HACD4: variants seen among roughly 807,000 people sequenced by gnomAD.
HACD4 encodes the protein 3-hydroxyacyl-CoA dehydratase 4.
In HACD4, 35 loss-of-function variants were observed where a neutral mutation model predicts 33.3. That is an observed-to-expected ratio of 1.05 (90% confidence interval 0.80 to 1.39). The LOEUF (loss-of-function observed/expected upper bound fraction) is 1.39, where lower values mean the gene tolerates loss of function less well. Among genes scored for constraint, HACD4 ranks in the 40% most tolerant of loss-of-function variants. HACD4 has a pLI of 0.00. For synonymous variants in HACD4, 118 were observed against 98.0 expected, an observed-to-expected ratio of 1.20 and a Z score of -1.21; for missense variants, 323 against 276.5, an observed-to-expected ratio of 1.17 and a Z score of -1.19.
At chr9:21,026,751 T>C (rs926795013) in intron 2 of HACD4, 28 bp from the exon 3 acceptor site, 6 of 1,598,314 alleles carry the variant, frequency 3.8e-6, no homozygotes, top group Middle Eastern at 1.7e-4. Flanking sequence ...AAAATGCAGA[T>C]ATAGGAAGAA....
intron 2 of HACD4, among the ~76,000 whole-genome samples, chr9:21,027,769 T>C (rs1818099974): frequency 2.6e-5 from 4 of 152,238 alleles, no homozygotes; most frequent in Admixed American, 2.6e-4. Context: ...TCAGTCTGTC[T>C]CCTGAACGAA....
chr9:21,019,626 G>A (rs1177710001), intron 3 of HACD4, among the ~76,000 whole-genome samples: 1 of 152,044 alleles, frequency 6.6e-6, no homozygotes, highest in East Asian at 1.9e-4. Flanking sequence ...CTCAACATCT[G>A]TAAAATTACA....
At chr9:21,023,663 C>T (rs1274559879) in intron 3 of HACD4, among the ~76,000 whole-genome samples, 2 of 151,708 alleles carry the variant, frequency 1.3e-5, no homozygotes, top group Non-Finnish European at 2.9e-5. Flanking sequence ...TAATCTCTGC[C>T]TCCAGGGTTC....
intron 5 of HACD4, among the ~76,000 whole-genome samples, chr9:21,008,665 CTA>C (rs2132767922): frequency 6.6e-6 from 1 of 152,096 alleles, no homozygotes; most frequent in East Asian, 1.9e-4. Flanking sequence ...TTGAAGAACT[CTA>C]TGAGAAATGC....
At chr9:21,016,156 G>GA in intron 3 of HACD4, 146 bp from the exon 4 acceptor site, 1 of 541,244 alleles carries the variant, frequency 1.8e-6, no homozygotes. Flanking sequence ...CTCCCTCTGA[G>GA]AGAGTAGGGT....
chr9:21,030,590 A>G (rs954058360), intron 1 of HACD4, among the ~76,000 whole-genome samples: 4 of 152,246 alleles, frequency 2.6e-5, no homozygotes, highest in African/African-American at 9.6e-5. Context: ...GAAGGGGGGT[A>G]GGGATGGGAG....
At chr9:21,028,536 C>G (rs10964799) in intron 2 of HACD4, among the ~76,000 whole-genome samples, 57,908 of 152,014 alleles carry the variant, frequency 0.38, 11,226 homozygotes, top group East Asian at 0.44. Flanking sequence ...TTATGATACA[C>G]ACGTCTGAAA....
Position 21,006,665 on chromosome 9 carries a change from G to C in HACD4, c.*372C>G, listed in dbSNP as rs1842277423. The C allele has an allele frequency of 4.1e-6, 1 of 245,356 alleles. No homozygotes were observed. The highest frequency in any genetic ancestry group is 5.6e-5 in the Admixed American group (1 of 17,848). The allele number at this position is 245,356 out of a possible 1,614,324, so 15.2% of individuals were successfully genotyped here. On this transcript the variant is annotated 3_prime_UTR_variant, in exon 7 of 7. Coordinates refer to ENST00000495827, the MANE Select transcript of HACD4 (RefSeq NM_001010915.5). This position sits in a 1 kb window ranked among gnomAD's most constrained non-coding sequence, Gnocchi z 4.6. ...TATTTGGGAACTTGGAAGTGAAAAA[G>C]AATACATGTAATTTAGGTTATCAAG...
chr9:21,009,193 C>T (rs544363289), intron 5 of HACD4, among the ~76,000 whole-genome samples: 1 of 152,208 alleles, frequency 6.6e-6, no homozygotes, highest in South Asian at 2.1e-4. Flanking sequence ...TTTAACTGCG[C>T]AGTTTTATAC....
At position 21,026,592 on chromosome 9, in the gene HACD4, C is replaced by A; in HGVS notation, c.270+4G>T. The stretch of plus-strand genomic sequence containing the variant: ...TTCTATAATAATATGTGATTCAAAC[C>A]TACCTGCAAAAACCTTGGGAGAAGA... On this transcript the variant is annotated splice_donor_region_variant and intron_variant, in intron 3 of 6. Transcript: ENST00000495827. 6.2e-7 allele frequency: 1 copy of A among 1,606,558 alleles called. No individual in the cohort carries two copies. The highest frequency in any genetic ancestry group is 8.5e-7 in the Non-Finnish European group (1 of 1,175,924).
At chr9:21,013,964 A>T (rs1564272928) in intron 4 of HACD4, among the ~76,000 whole-genome samples, 1 of 152,186 alleles carries the variant, frequency 6.6e-6, no homozygotes, top group Non-Finnish European at 1.5e-5. Flanking sequence ...TAGAACTTCC[A>T]GTACGATGAT....
intron 3 of HACD4, among the ~76,000 whole-genome samples, chr9:21,021,814 T>C (rs1283176513): frequency 6.6e-6 from 1 of 152,084 alleles, no homozygotes; most frequent in Non-Finnish European, 1.5e-5. Context: ...CCAAGGTAAT[T>C]TATAGATTCA....
At chr9:21,012,407 G>A (rs1184787963) in intron 4 of HACD4, among the ~76,000 whole-genome samples, 1 of 152,122 alleles carries the variant, frequency 6.6e-6, no homozygotes, top group African/African-American at 2.4e-5. Context: ...TGATGCCACT[G>A]GTCTAGGGAC....
At chr9:21,007,863 A>C (rs778554034) in intron 6 of HACD4, among the ~76,000 whole-genome samples, 158 bp downstream of exon 6, 1 of 152,178 alleles carries the variant, frequency 6.6e-6, no homozygotes, top group Non-Finnish European at 1.5e-5. Context: ...AAAAAGCATT[A>C]TAACCTCCAG....
intron 5 of HACD4, among the ~76,000 whole-genome samples, 199 bp downstream of exon 5, chr9:21,011,390 C>G (rs1311118688): frequency 6.6e-6 from 1 of 152,162 alleles, no homozygotes; most frequent in African/African-American, 2.4e-5. Context: ...TGCTTTTTGT[C>G]CAGTATTTTG....
intron 1 of HACD4, 65 bp downstream of exon 1, chr9:21,031,488 G>T: frequency 1.4e-6 from 2 of 1,430,112 alleles, no homozygotes; most frequent in East Asian, 3.0e-5. Context: ...GCCGCAGAGG[G>T]GAGCTCCCGC....
chr9:21,018,118 T>C (rs1169331118), intron 3 of HACD4, among the ~76,000 whole-genome samples: 1 of 152,170 alleles, frequency 6.6e-6, no homozygotes, highest in African/African-American at 2.4e-5. Flanking sequence ...AATCATCTGA[T>C]GGTTATTCAA....
intron 4 of HACD4, among the ~76,000 whole-genome samples, chr9:21,012,428 G>A (rs1842458098): frequency 6.6e-6 from 1 of 152,100 alleles, no homozygotes; most frequent in Admixed American, 6.5e-5. Flanking sequence ...CACACTTTGA[G>A]AACTACTAAT....
chr9:21,008,071 G>T lies in HACD4; in HGVS notation c.566C>A (p.Ser189Tyr). 2 of 1,611,530 alleles carry T rather than the reference G, an allele frequency of 1.2e-6. No individual in the cohort carries two copies. The highest frequency in any genetic ancestry group is 8.5e-7 in the Non-Finnish European group (1 of 1,178,584). The change falls in exon 6 of 7, where the codon TCC becomes TAC. Residue 189 changes from serine (S) to tyrosine (Y), a missense_variant. Coordinates refer to ENST00000495827, the MANE Select transcript of HACD4 (RefSeq NM_001010915.5). ...TYSTKLPFDL[S>Y]IYFPYVLKIY... is the part of the protein sequence containing the mutation. ...TTTCAGCACATATGGGAAATAGATG[G>T]ATAAGTCAAAGGGCAGCTTGGTGGA...
Sources: gnomAD v4.1 joint callset for allele counts (sites outside exome capture counted in the v4.1 genomes callset) on GRCh38, gnomAD v4.1.1 for gene constraint, Gnocchi (gnomAD v3.1) non-coding constraint, MANE v1.5 for transcripts, NCBI Gene and HGNC (gene_info 2026-07-23, HGNC 2026-07-21) for gene names.